Variants in HSPG2 observed in about 807,000 individuals in gnomAD.
HSPG2 encodes the protein basement membrane-specific heparan sulfate proteoglycan core protein.
HSPG2 carries 278 observed loss-of-function variants against 526.6 expected under a neutral mutation model. The observed-to-expected ratio is 0.53, with a 90% confidence interval of 0.48 to 0.58. HSPG2 has a LOEUF of 0.58. HSPG2 is among the 20% of genes least tolerant of loss of function. The probability of loss-of-function intolerance (pLI) is 0.00; values close to 1 mark genes in which losing one functional copy is unlikely to be tolerated. For synonymous variants in HSPG2, 2,465 were observed against 2,555.4 expected (o/e 0.96, Z 1.07); for missense variants, 5,354 against 6,099.5 (o/e 0.88, Z 4.07).
At chr1:21,862,905 C>T (rs1639909886) in intron 37 of HSPG2, among the ~76,000 whole-genome samples, 1 of 151,512 alleles carries the variant, frequency 6.6e-6, no homozygotes, top group South Asian at 2.1e-4. Context: ...ACTAAAAATA[C>T]AAAAATTCGC....
At chr1:21,882,330 T>C (rs1206563359) in intron 13 of HSPG2, among the ~76,000 whole-genome samples, 2 of 151,708 alleles carry the variant, frequency 1.3e-5, no homozygotes, top group African/African-American at 4.8e-5. Context: ...ATGAGCACAT[T>C]GATATAAAAT....
intron 1 of HSPG2, among the ~76,000 whole-genome samples, chr1:21,918,890 A>C (rs567867140): frequency 6.6e-6 from 1 of 152,320 alleles, no homozygotes; most frequent in South Asian, 2.1e-4. Context: ...GATAGATGGG[A>C]GAACCCTAAC....
intron 1 of HSPG2, among the ~76,000 whole-genome samples, chr1:21,914,818 C>T (rs535271675): frequency 2.0e-5 from 3 of 152,326 alleles, no homozygotes; most frequent in Admixed American, 6.5e-5. Flanking sequence ...AGCTCCTCCC[C>T]GGGCAGGTGT....
intron 1 of HSPG2, among the ~76,000 whole-genome samples, chr1:21,920,426 G>C (rs1425325091): frequency 2.0e-5 from 3 of 152,232 alleles, no homozygotes; most frequent in African/African-American, 7.2e-5. Flanking sequence ...CCAGTCACCG[G>C]CTCCTTGCTG....
At chr1:21,873,729 G>A (rs1184704562) in intron 29 of HSPG2, among the ~76,000 whole-genome samples, 196 bp downstream of exon 29, 2 of 152,194 alleles carry the variant, frequency 1.3e-5, no homozygotes, top group African/African-American at 4.8e-5. Flanking sequence ...GCTAGGATGT[G>A]TGTCTGAGGG....
intron 1 of HSPG2, among the ~76,000 whole-genome samples, chr1:21,933,019 G>A (rs1157228578): frequency 6.6e-6 from 1 of 152,124 alleles, no homozygotes; most frequent in African/African-American, 2.4e-5. Context: ...AGGAGTTCGA[G>A]ACCTGCCTGG....
Position 21,859,989 on chromosome 1 carries a change from T to G in HSPG2, c.5028A>C (p.Pro1676=), listed in dbSNP as rs1308494319. 6.2e-6 allele frequency: 10 copies of G among 1,610,410 alleles called. No individual in the cohort carries two copies. The highest frequency in any genetic ancestry group is 7.6e-6 in the Non-Finnish European group (9 of 1,179,062). ...GAGCAGGATGGACCTCGACCACCAGTGGGGCTTGGTTTGCTGGGGGTGGGG... is the reference window on the plus strand; with the variant it reads ...GAGCAGGATGGACCTCGACCACCAGGGGGGCTTGGTTTGCTGGGGGTGGGG... ...GQCLPETNQA[P]LVVEVHPARS... Residue 1676 remains proline, a synonymous_variant, in exon 41 of 97, where the codon CCA becomes CCC. Coordinates refer to ENST00000374695, the MANE Select transcript of HSPG2 (RefSeq NM_005529.7). This position sits in a 1 kb window ranked among gnomAD's most constrained non-coding sequence, Gnocchi z 5.3.
Position 21,828,845 on chromosome 1 carries a change from C to T in HSPG2, c.12227G>A (p.Cys4076Tyr). ...GGAGGCTGCTCTTACCTCGCCCACA[C>T]AGCCGCGGAAGTGAGCGCTCATGTT... ...ATNMSAHFRG[C>Y]VGEVSVNGKR... Residue 4076 changes from cysteine to tyrosine, a missense_variant, in exon 88 of 97, where the codon TGT becomes TAT. By Grantham distance (194) the Cys-to-Tyr change is radical. Coordinates refer to ENST00000374695, the MANE Select transcript of HSPG2 (RefSeq NM_005529.7). This position sits in a 1 kb window ranked among gnomAD's most constrained non-coding sequence, Gnocchi z 6.0. 2.6e-6 allele frequency: 4 copies of T among 1,550,740 alleles called. No homozygotes were observed. The highest frequency in any genetic ancestry group is 3.5e-6 in the Non-Finnish European group (4 of 1,146,978).
Position 21,826,902 on chromosome 1 carries a change from C to T in HSPG2, c.12589+961G>A, listed in dbSNP as rs139438264. Among the ~76,000 whole-genome samples the T allele has an allele frequency of 6.2e-4, 94 of 152,092 alleles. 1 individual carries two copies. The highest frequency in any genetic ancestry group is 2.0e-3 in the African/African-American group (85 of 41,494). On this transcript the variant is annotated intron_variant, in intron 91 of 96. Coordinates refer to ENST00000374695, the MANE Select transcript of HSPG2 (RefSeq NM_005529.7). ...TTAAAATGCACTAAGTGGCCGGGCG[C>T]GGTGGCTTATGCCTGTAATCCAGCA... is the stretch of plus-strand genomic sequence containing the variant.
chr1:21,860,635 G>A (rs1234874649), intron 39 of HSPG2, among the ~76,000 whole-genome samples: 1 of 152,106 alleles, frequency 6.6e-6, no homozygotes, highest in African/African-American at 2.4e-5. Flanking sequence ...GGGACTGCAG[G>A]GGTGCGCCAC....
Position 21,937,136 on chromosome 1 carries a change from C to T in HSPG2, c.63+19G>A. ...GCCCCTCCGCCCCCGCCCCCCGCCCCTCTGCCCCGCACACTCACCGCCAGC... is the reference window on the plus strand; with the variant it reads ...GCCCCTCCGCCCCCGCCCCCCGCCCTTCTGCCCCGCACACTCACCGCCAGC... On this transcript the variant is annotated intron_variant, in intron 1 of 96. Coordinates refer to ENST00000374695, the MANE Select transcript of HSPG2 (RefSeq NM_005529.7). The T allele has an allele frequency of 1.5e-6, 1 of 686,310 alleles. No homozygotes were observed. The highest frequency in any genetic ancestry group is 1.9e-6 in the Non-Finnish European group (1 of 530,566). The allele number at this position is 686,310 out of a possible 1,614,324, so 42.5% of individuals were successfully genotyped here. A position where few individuals can be genotyped will look rare whatever the true frequency, so the allele number is the denominator to read the frequency against.
chr1:21,902,673 G>A (rs1643164212), intron 1 of HSPG2, among the ~76,000 whole-genome samples: 1 of 152,172 alleles, frequency 6.6e-6, no homozygotes, highest in African/African-American at 2.4e-5. Context: ...CTTGCCCTCT[G>A]TAAGCTCATA....
In HSPG2 at chr1:21,854,979, C is replaced by T. The variant is rs368627489; in HGVS notation, c.6002G>A (p.Arg2001Gln). 6.0e-5 allele frequency: 97 copies of T among 1,612,530 alleles called. No individual in the cohort carries two copies. Among genetic ancestry groups the T allele is most frequent in the African/African-American group, 4.4e-4 (33 of 75,054 alleles). The change falls in exon 48 of 97, where the codon CGG (arginine) becomes CAG (glutamine). Residue 2001 changes from arginine (R) to glutamine (Q), a missense_variant. Coordinates refer to ENST00000374695, the MANE Select transcript of HSPG2 (RefSeq NM_005529.7). Reference protein sequence around the residue: ...KEGGSLPPQARSERTDIATLL... With the variant: ...KEGGSLPPQAQSERTDIATLL... The stretch of plus-strand genomic sequence containing the variant: ...TGTCGCGATGTCTGTGCGCTCTGAC[C>T]GGGCCTGCCGTGGGTGAGATGGGTC...
At chr1:21,854,532 C>T (rs1639179529) in intron 49 of HSPG2, 79 bp downstream of exon 49, 8 of 1,485,848 alleles carry the variant, frequency 5.4e-6, no homozygotes, top group South Asian at 2.6e-5. Context: ...TGCCGCCTCC[C>T]CCGCCCAGCG....
At chr1:21,853,540 G>T in intron 50 of HSPG2, 1 of 182,484 alleles carries the variant, frequency 5.5e-6, no homozygotes, top group South Asian at 1.1e-4. Context: ...TCAGGAGATC[G>T]AGACCATCCT....
At chr1:21,878,062 G>T in intron 21 of HSPG2, 124 bp downstream of exon 21, 1 of 873,050 alleles carries the variant, frequency 1.1e-6, no homozygotes, top group Non-Finnish European at 1.8e-6. Flanking sequence ...AGGTCCACCA[G>T]CCTCTGACTG....
In HSPG2 at chr1:21,860,555, G is replaced by A. The variant is rs924155734; in HGVS notation, c.4956-320C>T. Among the ~76,000 whole-genome samples, 6 of 151,948 alleles carry A rather than the reference G, an allele frequency of 3.9e-5. No individual in the cohort carries two copies. In the East Asian group the frequency reaches 9.6e-4, roughly 24 times the overall value. On this transcript the variant is annotated intron_variant, in intron 39 of 96. Coordinates refer to ENST00000374695, the MANE Select transcript of HSPG2 (RefSeq NM_005529.7). Reference sequence around the variant, plus strand: ...CACCCAGGCTCGAGTGCAGTGGTGCGATCTCGGCTCACTGCAAACTCCGTC... The same window carrying A: ...CACCCAGGCTCGAGTGCAGTGGTGCAATCTCGGCTCACTGCAAACTCCGTC...
In HSPG2 at chr1:21,864,335, C is replaced by CT. The variant is rs1047338051; in HGVS notation, c.4627-123_4627-122insA. On this transcript the variant is annotated intron_variant, in intron 36 of 96. Transcript: ENST00000374695. This position sits in a 1 kb window ranked among gnomAD's most constrained non-coding sequence, Gnocchi z 4.8. ...ACCCTGGAACATCACAGGCCGGCGCCCCTCCTTCCCCACTTCTGCTCAGTC... is the reference window on the plus strand; with the variant it reads ...ACCCTGGAACATCACAGGCCGGCGCCTCCTCCTTCCCCACTTCTGCTCAGTC... 2.1e-4 allele frequency: 167 copies of CT among 785,256 alleles called. No individual in the cohort carries two copies. Among genetic ancestry groups the CT allele is most frequent in the Non-Finnish European group, 2.8e-4 (125 of 452,054 alleles). 48.6% of individuals were successfully genotyped at this position (785,256 alleles called of 1,614,324 possible). A position where few individuals can be genotyped will look rare whatever the true frequency, so the allele number is the denominator to read the frequency against.
Position 21,885,122 on chromosome 1 carries a change from T to C in HSPG2, c.1246A>G (p.Ile416Val). Residue 416 changes from isoleucine (I) to valine (V), a missense_variant, in exon 11 of 97, where the codon ATC becomes GTC. Coordinates refer to ENST00000374695, the MANE Select transcript of HSPG2 (RefSeq NM_005529.7). ...ACTGTCTGGCCCCGGGAAGCCTGGATGGACTCCCGGGGAGGTGTCACCACC... is the reference window on the plus strand; with the variant it reads ...ACTGTCTGGCCCCGGGAAGCCTGGACGGACTCCCGGGGAGGTGTCACCACC... ...PQVVTPPRES[I>V]QASRGQTVTF... The C allele has an allele frequency of 6.2e-7, 1 of 1,612,202 alleles. No individual in the cohort carries two copies. Among genetic ancestry groups the C allele is most frequent in the Admixed American group, 1.7e-5 (1 of 59,924 alleles).
Sources: gnomAD v4.1 joint callset for allele counts (sites outside exome capture counted in the v4.1 genomes callset) on GRCh38, gnomAD v4.1.1 for gene constraint, Gnocchi (gnomAD v3.1) non-coding constraint, MANE v1.5 for transcripts, NCBI Gene and HGNC (gene_info 2026-07-23, HGNC 2026-07-21) for gene names.